GRIN2B: variants seen among roughly 807,000 people sequenced by gnomAD.
GRIN2B encodes the protein glutamate ionotropic receptor NMDA type subunit 2B, also known as glutamate receptor ionotropic, NMDA 2B.
A neutral mutation model predicts 114.5 loss-of-function variants in GRIN2B; 5 were observed. That is an observed-to-expected ratio of 0.04 (90% CI 0.02 to 0.09). The LOEUF is 0.09. GRIN2B is among the 10% of genes least tolerant of loss of function. The probability of loss-of-function intolerance (pLI) is 1.00; values close to 1 mark genes in which losing one functional copy is unlikely to be tolerated. For synonymous variants in GRIN2B, 787 were observed against 745.1 expected, an observed-to-expected ratio of 1.06 and a Z score of -0.92; for missense variants, 1,108 against 1,943.5, an observed-to-expected ratio of 0.57 and a Z score of 8.08.
At chr12:13,873,185 A>C (rs975979749) in intron 2 of GRIN2B, among the ~76,000 whole-genome samples, 1 of 152,204 alleles carries the variant, frequency 6.6e-6, no homozygotes, top group African/African-American at 2.4e-5. Flanking sequence ...TTAAAGTTTT[A>C]AGTTATACCT....
At chr12:13,581,886 G>A (rs1948855527) in intron 10 of GRIN2B, among the ~76,000 whole-genome samples, 1 of 146,426 alleles carries the variant, frequency 6.8e-6, no homozygotes, top group Non-Finnish European at 1.5e-5. Flanking sequence ...CTCCACCCTG[G>A]GTGACAGAGT....
chr12:13,648,920 G>A (rs1384328667), intron 5 of GRIN2B, among the ~76,000 whole-genome samples: 4 of 152,058 alleles, frequency 2.6e-5, no homozygotes, highest in African/African-American at 7.2e-5. Context: ...TATGTGCTAT[G>A]TGTGGTTGAC....
At chr12:13,614,166 T>A (rs1949404260) in intron 8 of GRIN2B, among the ~76,000 whole-genome samples, 1 of 152,188 alleles carries the variant, frequency 6.6e-6, no homozygotes, top group African/African-American at 2.4e-5. Flanking sequence ...GCTAAGAAAT[T>A]TGAGTAATTT....
At chr12:13,599,165 G>A (rs977533345) in intron 10 of GRIN2B, among the ~76,000 whole-genome samples, 1 of 152,188 alleles carries the variant, frequency 6.6e-6, no homozygotes, top group African/African-American at 2.4e-5. Context: ...CAGCCACTTG[G>A]TCTTTAAATG....
At chr12:13,801,775 C>T (rs2136675056) in intron 3 of GRIN2B, among the ~76,000 whole-genome samples, 1 of 152,266 alleles carries the variant, frequency 6.6e-6, no homozygotes, top group African/African-American at 2.4e-5. Flanking sequence ...TTGGAGACCA[C>T]TCAGCTCATT....
chr12:13,550,318 A>C lies in GRIN2B; in HGVS notation c.*12465T>G, dbSNP rs1948393783. On this transcript the variant is annotated 3_prime_UTR_variant, in exon 14 of 14. Transcript: ENST00000609686. ...ATTCCCCAAGGAGGGGAGCAGAGGC[A>C]GGCTAGAACTGCAGGAGCTCAGTGC... 6.6e-6 allele frequency: 1 copy of C among 152,212 alleles called. No individual in the cohort carries two copies. Among genetic ancestry groups the C allele is most frequent in the Admixed American group, 6.5e-5 (1 of 15,286 alleles). The allele number at this position is 152,212 out of a possible 1,614,324, so 9.4% of individuals were successfully genotyped here. A position where few individuals can be genotyped will look rare whatever the true frequency, so the allele number is the denominator to read the frequency against.
At chr12:13,697,955 T>C (rs369455396) in intron 4 of GRIN2B, among the ~76,000 whole-genome samples, 9 of 152,316 alleles carry the variant, frequency 5.9e-5, no homozygotes, top group Admixed American at 2.0e-4. Context: ...GCATCTGACA[T>C]GTAGAATGAT....
chr12:13,558,944 A>C lies in GRIN2B; in HGVS notation c.*3839T>G, dbSNP rs1948506204. The C allele has an allele frequency of 6.6e-6, 1 of 152,184 alleles. No homozygotes were observed. The allele number at this position is 152,184 out of a possible 1,614,324, so 9.4% of individuals were successfully genotyped here. On this transcript the variant is annotated 3_prime_UTR_variant, in exon 14 of 14. Coordinates refer to ENST00000609686, the MANE Select transcript of GRIN2B (RefSeq NM_000834.5). ...TCATACAGGACCACACTCACCAACC[A>C]CTTCTGCAATGGAAGGGAATGATAG...
chr12:13,915,293 A>T (rs1186274896), intron 2 of GRIN2B, among the ~76,000 whole-genome samples: 1 of 152,182 alleles, frequency 6.6e-6, no homozygotes, highest in African/African-American at 2.4e-5. Flanking sequence ...GTCACACTGT[A>T]CTTAGACACC....
chr12:13,707,004 G>A (rs566779213), intron 4 of GRIN2B, among the ~76,000 whole-genome samples: 17 of 152,144 alleles, frequency 1.1e-4, no homozygotes, highest in African/African-American at 2.9e-4. Context: ...TTTCCAACCC[G>A]TCACTTCTCG....
In GRIN2B at chr12:13,560,505, T is replaced by A. The variant is rs1037675731; in HGVS notation, c.*2278A>T. ...TGTTCGCTAGGTTAGTTGGTTTGGTTTTTTTGTTTGAAAGGGGTGAGGTAA... is the reference window on the plus strand; with the variant it reads ...TGTTCGCTAGGTTAGTTGGTTTGGTATTTTTGTTTGAAAGGGGTGAGGTAA... On this transcript the variant is annotated 3_prime_UTR_variant, in exon 14 of 14. Coordinates refer to ENST00000609686, the MANE Select transcript of GRIN2B (RefSeq NM_000834.5). 4.6e-5 allele frequency: 7 copies of A among 152,250 alleles called. No homozygotes were observed. Among genetic ancestry groups the A allele is most frequent in the African/African-American group, 1.7e-4 (7 of 41,454 alleles). The allele number at this position is 152,250 out of a possible 1,614,324, so 9.4% of individuals were successfully genotyped here.
intron 5 of GRIN2B, among the ~76,000 whole-genome samples, chr12:13,650,763 T>C (rs1002578716): frequency 3.9e-5 from 6 of 152,124 alleles, no homozygotes; most frequent in Non-Finnish European, 7.4e-5. Flanking sequence ...TAACAAATTG[T>C]ATGATGTATA....
At chr12:13,681,279 G>T (rs1950129547) in intron 4 of GRIN2B, among the ~76,000 whole-genome samples, 1 of 152,124 alleles carries the variant, frequency 6.6e-6, no homozygotes, top group African/African-American at 2.4e-5. Context: ...TTCATCTTCA[G>T]ATGAAACAGA....
chr12:13,854,317 C>T (rs944362367), intron 3 of GRIN2B, among the ~76,000 whole-genome samples: 11 of 152,144 alleles, frequency 7.2e-5, no homozygotes, highest in African/African-American at 2.7e-4. Context: ...CGAGACCAGC[C>T]TGGCCAACAT....
rs1948407447 is a variant in GRIN2B at position 13,551,159 on chromosome 12, C to G, written c.*11624G>C. 2 of 152,068 alleles carry G rather than the reference C, an allele frequency of 1.3e-5. No homozygotes were observed. The highest frequency in any genetic ancestry group is 4.8e-5 in the African/African-American group (2 of 41,410). 9.4% of individuals were successfully genotyped at this position (152,068 alleles called of 1,614,324 possible). ...AGAGAGAACAGATAAATTATTGAAT[C>G]CGTGAAGGCATTTATCCCTATTCCT... On this transcript the variant is annotated 3_prime_UTR_variant, in exon 14 of 14. Coordinates refer to ENST00000609686, the MANE Select transcript of GRIN2B (RefSeq NM_000834.5).
At chr12:13,823,899 A>C (rs1246673191) in intron 3 of GRIN2B, among the ~76,000 whole-genome samples, 1 of 152,142 alleles carries the variant, frequency 6.6e-6, no homozygotes, top group Non-Finnish European at 1.5e-5. Flanking sequence ...TGCATTATTG[A>C]AGTGATCATA....
intron 5 of GRIN2B, among the ~76,000 whole-genome samples, chr12:13,669,873 C>A (rs1260991462): frequency 6.6e-6 from 1 of 152,074 alleles, no homozygotes; most frequent in Non-Finnish European, 1.5e-5. Context: ...TCACCATAGT[C>A]CTTAGGGGCT....
intron 2 of GRIN2B, among the ~76,000 whole-genome samples, chr12:13,927,942 G>T (rs929027859): frequency 8.4e-6 from 1 of 118,608 alleles, no homozygotes; most frequent in Non-Finnish European, 1.7e-5. Context: ...ACTCCAGCCT[G>T]GGAAACAGAG....
chr12:13,597,134 G>A (rs1359760024), intron 10 of GRIN2B, among the ~76,000 whole-genome samples: 2 of 152,190 alleles, frequency 1.3e-5, no homozygotes, highest in Non-Finnish European at 2.9e-5. Context: ...GTAAAACGAT[G>A]TTAATAATGG....
Sources: gnomAD v4.1 joint callset for allele counts (sites outside exome capture counted in the v4.1 genomes callset) on GRCh38, gnomAD v4.1.1 for gene constraint, MANE v1.5 for transcripts, NCBI Gene and HGNC (gene_info 2026-07-23, HGNC 2026-07-21) for gene names.